LMBRD1: variants seen among roughly 807,000 people sequenced by gnomAD.
The protein encoded by LMBRD1 is LMBR1 domain containing 1, also known as lysosomal cobalamin transport escort protein LMBD1.
In LMBRD1, 64 loss-of-function variants were observed where a neutral mutation model predicts 74.8. The observed-to-expected ratio is 0.86, with a 90% confidence interval of 0.70 to 1.05. LMBRD1 has a LOEUF of 1.05. Among genes scored for constraint, LMBRD1 ranks in the 50% least tolerant of loss-of-function variants. The pLI is 0.00. For missense variants in LMBRD1, 652 were observed against 645.9 expected (o/e 1.01, Z -0.10); for synonymous variants, 204 against 216.3 (o/e 0.94, Z 0.50).
At chr6:69,693,375 GAATA>G (rs1765929401) in intron 14 of LMBRD1, among the ~76,000 whole-genome samples, 1 of 152,032 alleles carries the variant, frequency 6.6e-6, no homozygotes, top group African/African-American at 2.4e-5. Context: ...TTTCTATGTT[GAATA>G]AATGTCAGAT....
At chr6:69,698,084 A>G (rs1041954585) in intron 13 of LMBRD1, among the ~76,000 whole-genome samples, 1 of 152,086 alleles carries the variant, frequency 6.6e-6, no homozygotes, top group African/African-American at 2.4e-5. Flanking sequence ...ATAAGAAGTG[A>G]GAAATATGGT....
chr6:69,759,606 A>G (rs563674645), intron 3 of LMBRD1, among the ~76,000 whole-genome samples: 3 of 152,210 alleles, frequency 2.0e-5, no homozygotes, highest in Admixed American at 1.3e-4. Flanking sequence ...GCTTTATATG[A>G]TATCTTATAG....
At position 69,780,572 on chromosome 6, in the gene LMBRD1, A is replaced by G; in HGVS notation, c.247-18T>C. 6.3e-7 allele frequency: 1 copy of G among 1,586,616 alleles called. No homozygotes were observed. Among genetic ancestry groups the G allele is most frequent in the Non-Finnish European group, 8.6e-7 (1 of 1,156,334 alleles). ...GCCCAGTCCTAGGATAAAAGGAAACAATAGAAATATTAATGAAACACCCAT... is the reference window on the plus strand; with the variant it reads ...GCCCAGTCCTAGGATAAAAGGAAACGATAGAAATATTAATGAAACACCCAT... On this transcript the variant is annotated intron_variant, in intron 2 of 15. Coordinates refer to ENST00000649934, the MANE Select transcript of LMBRD1 (RefSeq NM_018368.4).
At chr6:69,790,661 A>C (rs1381769732) in intron 1 of LMBRD1, 189 bp from the exon 2 acceptor site, 4 of 613,286 alleles carry the variant, frequency 6.5e-6, no homozygotes, top group Non-Finnish European at 1.2e-5. Context: ...TCATGAATGC[A>C]GTACATCACG....
chr6:69,728,339 T>A (rs2149862647), intron 7 of LMBRD1, among the ~76,000 whole-genome samples: 1 of 152,302 alleles, frequency 6.6e-6, no homozygotes, highest in Non-Finnish European at 1.5e-5. Flanking sequence ...CAATTCAACA[T>A]GAGATTTGGG....
At chr6:69,749,273 C>CTTTTTTTTTTTTTTTTTTT in intron 5 of LMBRD1, 68 bp downstream of exon 5, 3 of 1,237,270 alleles carry the variant, frequency 2.4e-6, no homozygotes, top group African/African-American at 1.7e-5. Flanking sequence ...CTGAATGATC[C>CTTTTTTTTTTTTTTTTTTT]TTTTATTTTT....
intron 6 of LMBRD1, 151 bp downstream of exon 6, chr6:69,741,638 C>G: frequency 1.8e-6 from 1 of 556,254 alleles, no homozygotes. Flanking sequence ...CCCCCCACCC[C>G]TCGGCCTCCC....
At chr6:69,709,441 T>C (rs1027384223) in intron 9 of LMBRD1, among the ~76,000 whole-genome samples, 3 of 152,172 alleles carry the variant, frequency 2.0e-5, no homozygotes, top group Non-Finnish European at 4.4e-5. Context: ...CCTTCAGGCA[T>C]GCCTATTACC....
chr6:69,705,178 A>G (rs1428413996), intron 9 of LMBRD1: 14 of 511,040 alleles, frequency 2.7e-5, no homozygotes, highest in Non-Finnish European at 5.0e-5. Context: ...TTTATCAAAC[A>G]TGGTAGGGAA....
intron 1 of LMBRD1, 66 bp downstream of exon 1, chr6:69,796,747 G>A: frequency 1.3e-6 from 2 of 1,489,634 alleles, no homozygotes; most frequent in Non-Finnish European, 9.3e-7. Context: ...GAGGCCAACT[G>A]CAGGGCCTGC....
At chr6:69,717,806 T>A (rs1429111809) in intron 8 of LMBRD1, among the ~76,000 whole-genome samples, 1 of 152,144 alleles carries the variant, frequency 6.6e-6, no homozygotes, top group East Asian at 1.9e-4. Flanking sequence ...CAAGTGATCG[T>A]CCCAACTCAG....
chr6:69,726,272 T>C (rs1412361347), intron 7 of LMBRD1, among the ~76,000 whole-genome samples: 2 of 152,316 alleles, frequency 1.3e-5, no homozygotes, highest in South Asian at 4.1e-4. Context: ...TTGTACACTG[T>C]TGGTGGGAAT....
chr6:69,755,905 C>T (rs1765257544), intron 3 of LMBRD1, among the ~76,000 whole-genome samples: 1 of 152,134 alleles, frequency 6.6e-6, no homozygotes, highest in Admixed American at 6.5e-5. Flanking sequence ...ATTTTATAAG[C>T]ATTTCTGGTG....
chr6:69,782,672 C>T lies in LMBRD1; in HGVS notation c.247-2118G>A, dbSNP rs920990501. On this transcript the variant is annotated intron_variant, in intron 2 of 15. Transcript: ENST00000649934. ...CTCTAGCCTGAGCAACAGAGCAAGA[C>T]TCTGTCTCAAGAAACAAAAAAAAAA... Among the ~76,000 whole-genome samples, 26 of 130,418 alleles carry T rather than the reference C, an allele frequency of 2.0e-4. No homozygotes were observed. The South Asian group carries it at 4.6e-3, about 23-fold the overall frequency. The allele number at this position is 130,418 out of a possible 152,430, so 85.6% of individuals were successfully genotyped here. A position where few individuals can be genotyped will look rare whatever the true frequency, so the allele number is the denominator to read the frequency against.
chr6:69,724,240 A>AT (rs1266104608), intron 7 of LMBRD1, among the ~76,000 whole-genome samples: 1 of 151,332 alleles, frequency 6.6e-6, no homozygotes. Context: ...CAAACATTTA[A>AT]TGAAGAACTA....
At chr6:69,679,667 T>G (rs1307328606) in intron 14 of LMBRD1, among the ~76,000 whole-genome samples, 1 of 152,106 alleles carries the variant, frequency 6.6e-6, no homozygotes, top group Non-Finnish European at 1.5e-5. Flanking sequence ...AACTAAAATG[T>G]CCAGCATGGT....
intron 1 of LMBRD1, among the ~76,000 whole-genome samples, chr6:69,795,930 A>T (rs1766215293): frequency 6.6e-6 from 1 of 152,234 alleles, no homozygotes. Context: ...CAATGCAAAA[A>T]GGTCAAAATA....
chr6:69,681,926 C>G (rs190081709), intron 14 of LMBRD1, among the ~76,000 whole-genome samples: 1 of 151,746 alleles, frequency 6.6e-6, no homozygotes, highest in Non-Finnish European at 1.5e-5. Context: ...GAGTGGAGTA[C>G]AGACTAGAAG....
At chr6:69,722,411 G>C (rs1766635542) in intron 7 of LMBRD1, among the ~76,000 whole-genome samples, 1 of 151,778 alleles carries the variant, frequency 6.6e-6, no homozygotes, top group African/African-American at 2.4e-5. Context: ...CACTACAATG[G>C]TGGTGTGTAA....
Sources: allele counts gnomAD v4.1 joint callset (sites outside exome capture counted in the v4.1 genomes callset), GRCh38; gene constraint gnomAD v4.1.1; transcripts MANE v1.5; gene names NCBI Gene and HGNC (gene_info 2026-07-23, HGNC 2026-07-21).